MAP4K4: variants seen among roughly 807,000 people sequenced by gnomAD.
MAP4K4 encodes HPK/GCK-like kinase HGK.
MAP4K4 carries 38 observed loss-of-function variants against 189.6 expected under a neutral mutation model. That is an observed-to-expected ratio of 0.20 (90% confidence interval 0.15 to 0.26). The LOEUF (loss-of-function observed/expected upper bound fraction) is 0.26, where lower values mean the gene tolerates loss of function less well. Ranked by LOEUF, MAP4K4 falls within the 10% of genes least tolerant of loss-of-function variation. The pLI, the probability that MAP4K4 is intolerant of heterozygous loss-of-function variation, is 1.00. For synonymous variants in MAP4K4, 610 were observed against 624.3 expected (o/e 0.98, Z 0.34); for missense variants, 1,054 against 1,726.9 (o/e 0.61, Z 6.91).
chr2:101,776,377 G>T (rs1339557485), intron 2 of MAP4K4, among the ~76,000 whole-genome samples: 1 of 152,134 alleles, frequency 6.6e-6, no homozygotes, highest in Non-Finnish European at 1.5e-5. Flanking sequence ...GGCCTGTAGG[G>T]ACGCTGGAGA....
intron 23 of MAP4K4, among the ~76,000 whole-genome samples, chr2:101,870,858 C>T (rs1307287088): frequency 6.6e-6 from 1 of 152,154 alleles, no homozygotes; most frequent in Non-Finnish European, 1.5e-5. Flanking sequence ...TCATCACAGG[C>T]CCAGAGACTC....
At chr2:101,885,533 G>T (rs560299991) in intron 29 of MAP4K4, among the ~76,000 whole-genome samples, 1 of 152,208 alleles carries the variant, frequency 6.6e-6, no homozygotes, top group Non-Finnish European at 1.5e-5. Context: ...GTGGCAATGT[G>T]TTCACAGAGG....
chr2:101,785,063 G>T (rs1419945501), intron 2 of MAP4K4, among the ~76,000 whole-genome samples: 1 of 152,142 alleles, frequency 6.6e-6, no homozygotes, highest in African/African-American at 2.4e-5. Context: ...ATGCTCTCCG[G>T]TGTCACAGGA....
intron 2 of MAP4K4, among the ~76,000 whole-genome samples, chr2:101,779,198 A>AG: frequency 6.6e-6 from 1 of 152,100 alleles, no homozygotes. Context: ...TTGTTTATTG[A>AG]TAGGGAGGAG....
intron 11 of MAP4K4, 40 bp downstream of exon 11, chr2:101,842,721 G>T: frequency 6.5e-7 from 1 of 1,527,140 alleles, no homozygotes. Context: ...GCTTTATGAA[G>T]GGATTAAGTT....
intron 9 of MAP4K4, among the ~76,000 whole-genome samples, chr2:101,838,054 C>A (rs1215814859): frequency 6.6e-6 from 1 of 152,220 alleles, no homozygotes; most frequent in East Asian, 1.9e-4. Flanking sequence ...GTAAATTCTA[C>A]TGTTTTTTTG....
chr2:101,720,514 G>C (rs928577818), intron 2 of MAP4K4, among the ~76,000 whole-genome samples: 1 of 152,136 alleles, frequency 6.6e-6, no homozygotes, highest in African/African-American at 2.4e-5. Context: ...AAACCTCCAA[G>C]GACCCAGTGA....
At chr2:101,771,887 C>A (rs1411965481) in intron 2 of MAP4K4, among the ~76,000 whole-genome samples, 3 of 152,076 alleles carry the variant, frequency 2.0e-5, no homozygotes, top group Non-Finnish European at 4.4e-5. Flanking sequence ...GCTAGAGTAC[C>A]AAGAGTGAAA....
At chr2:101,765,190 A>C (rs2078087419) in intron 2 of MAP4K4, among the ~76,000 whole-genome samples, 1 of 151,982 alleles carries the variant, frequency 6.6e-6, no homozygotes, top group Non-Finnish European at 1.5e-5. Context: ...AACAAGCTAA[A>C]AAAAAAAAAG....
At chr2:101,756,107 A>C (rs2072616918) in intron 2 of MAP4K4, among the ~76,000 whole-genome samples, 1 of 151,622 alleles carries the variant, frequency 6.6e-6, no homozygotes, top group African/African-American at 2.4e-5. Context: ...CGTCTGGCTA[A>C]TTTAGTTTTT....
chr2:101,731,242 G>A (rs959846421), intron 2 of MAP4K4, among the ~76,000 whole-genome samples: 2 of 151,476 alleles, frequency 1.3e-5, no homozygotes, highest in African/African-American at 2.4e-5. Flanking sequence ...TCAACCTTCC[G>A]AGTAGCTGGG....
At chr2:101,831,381 CTG>C (rs998672126) in intron 6 of MAP4K4, among the ~76,000 whole-genome samples, 2 of 152,172 alleles carry the variant, frequency 1.3e-5, no homozygotes, top group Admixed American at 6.5e-5. Context: ...CTGGGGCTCT[CTG>C]TGACTTGATC....
chr2:101,756,629 G>A (rs2072958148), intron 2 of MAP4K4, among the ~76,000 whole-genome samples: 1 of 151,878 alleles, frequency 6.6e-6, no homozygotes, highest in Non-Finnish European at 1.5e-5. Context: ...ATCACAGCTC[G>A]CTACAGCTTG....
At chr2:101,833,358 C>T (rs906256238) in intron 7 of MAP4K4, among the ~76,000 whole-genome samples, 1 of 152,108 alleles carries the variant, frequency 6.6e-6, no homozygotes, top group African/African-American at 2.4e-5. Context: ...TGGTGGCTCA[C>T]GCCTGTAATC....
chr2:101,864,680 C>A (rs2097765960), intron 17 of MAP4K4, among the ~76,000 whole-genome samples: 1 of 152,134 alleles, frequency 6.6e-6, no homozygotes, highest in Non-Finnish European at 1.5e-5. Flanking sequence ...AAGCTTCAGT[C>A]CAAACATCAT....
chr2:101,884,300 A>G (rs1221075443), intron 28 of MAP4K4, among the ~76,000 whole-genome samples: 1 of 152,216 alleles, frequency 6.6e-6, no homozygotes, highest in Non-Finnish European at 1.5e-5. Flanking sequence ...CAATAGCCCC[A>G]TGTGTGTGGT....
intron 2 of MAP4K4, among the ~76,000 whole-genome samples, chr2:101,739,326 A>G (rs543987875): frequency 2.3e-4 from 35 of 152,334 alleles, no homozygotes; most frequent in African/African-American, 7.9e-4. Context: ...ACATTTATGA[A>G]GTCATCTTAG....
intron 3 of MAP4K4, chr2:101,797,194 A>G: frequency 7.9e-7 from 1 of 1,263,710 alleles, no homozygotes; most frequent in South Asian, 1.3e-5. Flanking sequence ...AACAAAAGGA[A>G]GGGAAGGAGA....
At chr2:101,713,315 C>T (rs2046636299) in intron 2 of MAP4K4, among the ~76,000 whole-genome samples, 1 of 152,108 alleles carries the variant, frequency 6.6e-6, no homozygotes, top group South Asian at 2.1e-4. Context: ...AATCCCTCTG[C>T]TGAGTGCAGT....
Sources: gnomAD v4.1 joint callset for allele counts (sites outside exome capture counted in the v4.1 genomes callset) on GRCh38, gnomAD v4.1.1 for gene constraint, MANE v1.5 for transcripts, NCBI Gene and HGNC (gene_info 2026-07-23, HGNC 2026-07-21) for gene names.